Variants in OIT3 observed in about 807,000 individuals in gnomAD.
The protein encoded by OIT3 is oncoprotein-induced transcript 3 protein.
OIT3 carries 41 observed loss-of-function variants against 52.2 expected under a neutral mutation model. The ratio of observed to expected loss-of-function variants is 0.79; its 90% CI spans 0.61 to 1.02. OIT3 has a LOEUF of 1.02. OIT3 is among the 50% of genes least tolerant of loss of function. The pLI is 0.00. For missense variants in OIT3, 634 were observed against 715.5 expected (o/e 0.89, Z 1.30); for synonymous variants, 244 against 276.9 (o/e 0.88, Z 1.18).
intron 5 of OIT3, among the ~76,000 whole-genome samples, chr10:72,912,062 G>A (rs1170922101): frequency 6.6e-6 from 1 of 152,010 alleles, no homozygotes; most frequent in Non-Finnish European, 1.5e-5. Flanking sequence ...GTTTACCTTT[G>A]ATTTTTGACT....
intron 7 of OIT3, among the ~76,000 whole-genome samples, 194 bp from the exon 8 acceptor site, chr10:72,930,344 A>G: frequency 6.6e-6 from 1 of 152,208 alleles, no homozygotes; most frequent in East Asian, 1.9e-4. Context: ...GACAGATGCT[A>G]TTAGTAAATA....
At chr10:72,924,927 A>C (rs1846155709) in intron 7 of OIT3, among the ~76,000 whole-genome samples, 1 of 152,046 alleles carries the variant, frequency 6.6e-6, no homozygotes, top group Non-Finnish European at 1.5e-5. Flanking sequence ...CCTGGCCAAC[A>C]TGGTGAAACC....
chr10:72,930,258 G>A (rs1027505291), intron 7 of OIT3, among the ~76,000 whole-genome samples: 5 of 152,230 alleles, frequency 3.3e-5, no homozygotes, highest in Admixed American at 2.0e-4. Context: ...TGGTGTTGCT[G>A]TTGCCAACAC....
intron 6 of OIT3, chr10:72,917,980 CATCATT>C: frequency 1.2e-6 from 1 of 803,952 alleles, no homozygotes; most frequent in Non-Finnish European, 2.2e-6. Flanking sequence ...TCATTATCTT[CATCATT>C]ATCATCATTA....
Position 72,932,409 on chromosome 10 carries a change from G to T in OIT3, c.1523G>T (p.Arg508Leu), listed in dbSNP as rs527472433. The T allele has an allele frequency of 2.5e-6, 4 of 1,614,050 alleles. No individual in the cohort carries two copies. In the Admixed American group the frequency reaches 5.0e-5, roughly 20 times the overall value. The change falls in exon 9 of 9, where the codon CGC (arginine) becomes CTC (leucine). Residue 508 changes from arginine (R) to leucine (L), a missense_variant. By Grantham distance (102) the Arg-to-Leu change is moderately radical. Transcript: ENST00000334011. ...TGTGGAGTGTTGGACGAGCGTTCCC[G>T]CTGTGCCCAGGGTTGCCACCGGCGA... ...LVCGVLDERS[R>L]CAQGCHRRMR...
At chr10:72,911,876 AT>A (rs752603622) in intron 5 of OIT3, 37 bp downstream of exon 5, 1 of 1,573,576 alleles carries the variant, frequency 6.4e-7, no homozygotes. Flanking sequence ...CTCTACTCTG[AT>A]TACACTTCTT....
chr10:72,906,995 A>G (rs1243287047), intron 4 of OIT3, among the ~76,000 whole-genome samples: 3 of 152,198 alleles, frequency 2.0e-5, no homozygotes, highest in African/African-American at 7.2e-5. Context: ...GGCCAGGTGC[A>G]GTGGTTCATG....
chr10:72,903,307 C>T (rs902061434), intron 3 of OIT3, among the ~76,000 whole-genome samples: 1 of 152,058 alleles, frequency 6.6e-6, no homozygotes, highest in Non-Finnish European at 1.5e-5. Context: ...CTCACTGCAA[C>T]CTCCACCTCC....
intron 6 of OIT3, among the ~76,000 whole-genome samples, chr10:72,923,096 C>G (rs374049289): frequency 1.3e-5 from 2 of 152,188 alleles, no homozygotes; most frequent in East Asian, 3.8e-4. Context: ...CCACTGGTCT[C>G]TAACCCCTGA....
intron 7 of OIT3, among the ~76,000 whole-genome samples, chr10:72,930,329 A>C (rs553302345): frequency 1.3e-5 from 2 of 152,326 alleles, no homozygotes; most frequent in South Asian, 4.1e-4. Flanking sequence ...GCAAATGATA[A>C]ATGGGACAGA....
chr10:72,926,841 CT>C (rs1220908130), intron 7 of OIT3, among the ~76,000 whole-genome samples: 1 of 151,888 alleles, frequency 6.6e-6, no homozygotes, highest in Non-Finnish European at 1.5e-5. Context: ...TTCCTTTTTA[CT>C]TTTTTTAAAA....
In OIT3 at chr10:72,898,903, CA is replaced by C. The variant is rs772192680; in HGVS notation, c.303del (p.Gln101HisfsTer33). The C allele has an allele frequency of 6.2e-7, 1 of 1,614,224 alleles. No homozygotes were observed. ...CCCCCTAGAAGGCGACGGCATTGTGCAACGCCAGGCTTGTGCCAGCTTCAAT... is the reference window on the plus strand; with the variant it reads ...CCCCCTAGAAGGCGACGGCATTGTGCACGCCAGGCTTGTGCCAGCTTCAAT... Reference protein sequence around the residue: ...SHPLEGDGIVQRQACASFNGN... With the variant: ...SHPLEGDGIVXRQACASFNGN... On this transcript the variant is annotated frameshift_variant, in exon 2 of 9. Coordinates refer to ENST00000334011, the MANE Select transcript of OIT3 (RefSeq NM_152635.3). LOFTEE classifies it high-confidence loss of function.
chr10:72,904,310 C>T (rs1845960063), intron 3 of OIT3, among the ~76,000 whole-genome samples: 1 of 152,164 alleles, frequency 6.6e-6, no homozygotes, highest in African/African-American at 2.4e-5. Flanking sequence ...GAATAAAGCC[C>T]TTCCTTCTTT....
At chr10:72,899,599 AAAAAAAAAAAAAG>A (rs1416002035) in intron 2 of OIT3, among the ~76,000 whole-genome samples, 1 of 148,580 alleles carries the variant, frequency 6.7e-6, no homozygotes, top group Non-Finnish European at 1.5e-5. Flanking sequence ...CTGATTCAAA[AAAAAAAAAAAAAG>A]AAAAAAAGAA....
chr10:72,910,658 G>A (rs1216789274), intron 4 of OIT3, among the ~76,000 whole-genome samples: 1 of 152,198 alleles, frequency 6.6e-6, no homozygotes, highest in Non-Finnish European at 1.5e-5. Context: ...ATTGAACTGA[G>A]AGAGTTATAG....
intron 7 of OIT3, among the ~76,000 whole-genome samples, chr10:72,929,411 G>A (rs1049965744): frequency 2.0e-5 from 3 of 151,630 alleles, no homozygotes; most frequent in Non-Finnish European, 4.4e-5. Context: ...ATAATATGAG[G>A]GTGATTCTTG....
chr10:72,908,349 T>C (rs1182155066), intron 4 of OIT3, among the ~76,000 whole-genome samples: 3 of 152,172 alleles, frequency 2.0e-5, no homozygotes, highest in Non-Finnish European at 4.4e-5. Flanking sequence ...ACAGAGGACA[T>C]ATATTTGTTC....
intron 6 of OIT3, among the ~76,000 whole-genome samples, chr10:72,920,920 T>G (rs1284038470): frequency 6.6e-6 from 1 of 152,202 alleles, no homozygotes; most frequent in Non-Finnish European, 1.5e-5. Flanking sequence ...GGTGGAGACT[T>G]CTGTAGATAA....
At chr10:72,928,360 G>A (rs1422317822) in intron 7 of OIT3, among the ~76,000 whole-genome samples, 6 of 152,066 alleles carry the variant, frequency 3.9e-5, no homozygotes, top group East Asian at 1.9e-4. Context: ...ACATGAATTC[G>A]GTGCTCGGAA....
Sources: allele counts gnomAD v4.1 joint callset (sites outside exome capture counted in the v4.1 genomes callset), GRCh38; gene constraint gnomAD v4.1.1; transcripts MANE v1.5; gene names NCBI Gene and HGNC (gene_info 2026-07-23, HGNC 2026-07-21).